Variants in TFDP2 observed in about 807,000 individuals in gnomAD.
TFDP2 encodes transcription factor Dp-2 (E2F dimerization partner 2).
In TFDP2, 17 loss-of-function variants were observed where a neutral mutation model predicts 59.3. That is an observed-to-expected ratio of 0.29 (90% CI 0.20 to 0.43). The LOEUF (loss-of-function observed/expected upper bound fraction) is 0.43. Ranked by LOEUF, TFDP2 falls within the 20% of genes least tolerant of loss-of-function variation. TFDP2 has a pLI of 1.00. For missense variants in TFDP2, 391 were observed against 528.8 expected, an observed-to-expected ratio of 0.74 and a Z score of 2.56; for synonymous variants, 180 against 194.7, an observed-to-expected ratio of 0.92 and a Z score of 0.63.
At chr3:142,069,072 T>C (rs1181174440) in intron 3 of TFDP2, among the ~76,000 whole-genome samples, 1 of 151,984 alleles carries the variant, frequency 6.6e-6, no homozygotes, top group African/African-American at 2.4e-5. Context: ...CACACCACCA[T>C]GCCTGGCTAA....
At chr3:142,067,263 T>C (rs114900733) in intron 3 of TFDP2, among the ~76,000 whole-genome samples, 60 of 152,292 alleles carry the variant, frequency 3.9e-4, no homozygotes, top group African/African-American at 1.4e-3. Flanking sequence ...TGATAAGCAA[T>C]GACAGCAAGG....
chr3:141,986,303 TAAAGA>T (rs1292109220), intron 6 of TFDP2, among the ~76,000 whole-genome samples: 1 of 152,208 alleles, frequency 6.6e-6, no homozygotes, highest in Non-Finnish European at 1.5e-5. Context: ...ACATAACACA[TAAAGA>T]AAAGTACGCA....
chr3:142,006,173 T>C (rs577343856), intron 3 of TFDP2, among the ~76,000 whole-genome samples: 57 of 152,310 alleles, frequency 3.7e-4, no homozygotes, highest in African/African-American at 1.3e-3. Flanking sequence ...AGCAAACTGC[T>C]ACCAAGAAAA....
intron 3 of TFDP2, among the ~76,000 whole-genome samples, chr3:142,060,801 TA>T (rs1222070060): frequency 1.3e-5 from 2 of 152,178 alleles, no homozygotes; most frequent in African/African-American, 4.8e-5. Context: ...TTTAAAGCTC[TA>T]AAAGTAACAC....
intron 3 of TFDP2, among the ~76,000 whole-genome samples, chr3:142,071,453 C>A (rs750849224): frequency 2.0e-5 from 3 of 152,058 alleles, no homozygotes; most frequent in Non-Finnish European, 4.4e-5. Context: ...CCACCGCACC[C>A]GGCCATAAAG....
chr3:142,041,594 C>T (rs566015014), intron 3 of TFDP2, among the ~76,000 whole-genome samples: 1 of 152,214 alleles, frequency 6.6e-6, no homozygotes, highest in African/African-American at 2.4e-5. Flanking sequence ...GTCCATTAAA[C>T]CTCTTCTCTT....
At chr3:142,081,375 C>A (rs1162132691) in intron 3 of TFDP2, among the ~76,000 whole-genome samples, 1 of 151,732 alleles carries the variant, frequency 6.6e-6, no homozygotes, top group African/African-American at 2.4e-5. Flanking sequence ...GCTTATACAT[C>A]AAAAAAGTGA....
At chr3:142,031,820 A>G (rs1428087081) in intron 3 of TFDP2, among the ~76,000 whole-genome samples, 3 of 152,218 alleles carry the variant, frequency 2.0e-5, no homozygotes, top group Admixed American at 2.0e-4. Context: ...CAGAAATAAC[A>G]CTATAATAGT....
chr3:142,053,060 A>G (rs1459841657), intron 3 of TFDP2, among the ~76,000 whole-genome samples: 1 of 152,152 alleles, frequency 6.6e-6, no homozygotes, highest in Non-Finnish European at 1.5e-5. Context: ...CACTTGCCTC[A>G]GCCTCCCAAA....
chr3:142,076,518 A>G (rs977280624), intron 3 of TFDP2, among the ~76,000 whole-genome samples: 2 of 150,592 alleles, frequency 1.3e-5, no homozygotes, highest in African/African-American at 4.9e-5. Flanking sequence ...AGGCAAGATG[A>G]AAAAAAATGA....
intron 3 of TFDP2, among the ~76,000 whole-genome samples, chr3:142,061,889 TACACACACA>T (rs1160652173): frequency 0.058 from 4,634 of 79,880 alleles, 144 homozygotes; most frequent in African/African-American, 0.066. Flanking sequence ...TCTCTCTCTC[TACACACACA>T]CACACACACA....
chr3:141,959,593 A>T, intron 11 of TFDP2, 81 bp downstream of exon 11: 4 of 1,533,112 alleles, frequency 2.6e-6, no homozygotes, highest in Non-Finnish European at 2.6e-6. Flanking sequence ...AAAATTTTGC[A>T]ATTTTCTATA....
intron 3 of TFDP2, among the ~76,000 whole-genome samples, chr3:142,064,716 T>C (rs1172610080): frequency 6.6e-6 from 1 of 152,040 alleles, no homozygotes; most frequent in East Asian, 1.9e-4. Flanking sequence ...TGTTATCCAA[T>C]GTAAAACAAC....
Position 141,953,061 on chromosome 3 carries a change from T to C in TFDP2, c.1052-45A>G, listed in dbSNP as rs373949450. 27 of 1,377,416 alleles carry C rather than the reference T, an allele frequency of 2.0e-5. No individual in the cohort carries two copies. The African/African-American group carries it at 3.6e-4, about 18-fold the overall frequency. The allele number at this position is 1,377,416 out of a possible 1,614,324, so 85.3% of individuals were successfully genotyped here. ...CAAAAAATGTCGGTCCTGCAAGTTCTGTGGCTGCTGTTGTTACAGTCTGAG... is the reference window on the plus strand; with the variant it reads ...CAAAAAATGTCGGTCCTGCAAGTTCCGTGGCTGCTGTTGTTACAGTCTGAG... On this transcript the variant is annotated intron_variant, in intron 11 of 12. Transcript: ENST00000489671.
intron 6 of TFDP2, among the ~76,000 whole-genome samples, chr3:141,987,296 TG>T (rs1211933024): frequency 1.0e-4 from 14 of 135,894 alleles, no homozygotes; most frequent in Admixed American, 2.2e-4. Flanking sequence ...TGTGTGTGTG[TG>T]TTTTAGCCAG....
At chr3:142,138,978 CATT>C (rs1476492562) in intron 1 of TFDP2, among the ~76,000 whole-genome samples, 2 of 152,118 alleles carry the variant, frequency 1.3e-5, no homozygotes, top group African/African-American at 4.8e-5. Flanking sequence ...TAAAGTCTCT[CATT>C]ATTATTGTGT....
At position 141,951,376 on chromosome 3, in the gene TFDP2, T is replaced by C. The variant is rs918991811; in HGVS notation, c.*1137A>G. ...ATCCAGGCAGTAGGAGTGTTCAACG[T>C]TTTCTAGTGTTTCTGTGAAACACTA... On this transcript the variant is annotated 3_prime_UTR_variant, in exon 13 of 13. Transcript: ENST00000489671. 1.1e-4 allele frequency: 16 copies of C among 152,274 alleles called. No homozygotes were observed. Among genetic ancestry groups the C allele is most frequent in the Non-Finnish European group, 1.3e-4 (9 of 68,036 alleles). The allele number at this position is 152,274 out of a possible 1,614,324, so 9.4% of individuals were successfully genotyped here.
At chr3:142,010,799 CA>C (rs1162566438) in intron 3 of TFDP2, among the ~76,000 whole-genome samples, 1 of 143,378 alleles carries the variant, frequency 7.0e-6, no homozygotes, top group African/African-American at 2.6e-5. Context: ...AGACACTTCT[CA>C]AAAGAAGACA....
At chr3:141,999,173 G>A (rs1430205430) in intron 4 of TFDP2, among the ~76,000 whole-genome samples, 1 of 152,106 alleles carries the variant, frequency 6.6e-6, no homozygotes, top group Admixed American at 6.6e-5. Flanking sequence ...CCTGCTCAAC[G>A]TGAAGACGTC....
Sources: allele counts gnomAD v4.1 joint callset (sites outside exome capture counted in the v4.1 genomes callset), GRCh38; gene constraint gnomAD v4.1.1; transcripts MANE v1.5; gene names NCBI Gene and HGNC (gene_info 2026-07-23, HGNC 2026-07-21).